HEATR5B: variants seen among roughly 807,000 people sequenced by gnomAD.
HEATR5B encodes HEAT repeat containing 5B, also known as HEAT repeat-containing protein 5B.
Under a neutral mutation model 224.1 loss-of-function variants are expected in HEATR5B, and 156 were observed. That is an observed-to-expected ratio of 0.70 (90% CI 0.61 to 0.80). The LOEUF (loss-of-function observed/expected upper bound fraction) is 0.80, where lower values mean the gene tolerates loss of function less well. Ranked by LOEUF, HEATR5B falls within the 30% of genes least tolerant of loss-of-function variation. The pLI is 0.00. For missense variants in HEATR5B, 2,323 were observed against 2,535.5 expected, an observed-to-expected ratio of 0.92 and a Z score of 1.80; for synonymous variants, 1,027 against 893.0, an observed-to-expected ratio of 1.15 and a Z score of -2.68.
chr2:36,985,891 T>C (rs950106165), intron 35 of HEATR5B, among the ~76,000 whole-genome samples: 8 of 152,102 alleles, frequency 5.3e-5, no homozygotes, highest in African/African-American at 1.9e-4. Context: ...TCAAAGATAT[T>C]GCTAAAGCCT....
At chr2:37,060,880 T>G in intron 11 of HEATR5B, 147 bp from the exon 12 acceptor site, 2 of 527,856 alleles carry the variant, frequency 3.8e-6, no homozygotes, top group Non-Finnish European at 6.4e-6. Context: ...ATCTGTTATT[T>G]CACTCTATTT....
At chr2:37,011,429 C>T (rs758126890) in intron 27 of HEATR5B, among the ~76,000 whole-genome samples, 11 of 152,130 alleles carry the variant, frequency 7.2e-5, no homozygotes, top group Admixed American at 3.3e-4. Context: ...TAAGACTTTA[C>T]GGTCTATGTA....
chr2:37,061,865 T>A, intron 11 of HEATR5B, 74 bp downstream of exon 11: 1 of 844,146 alleles, frequency 1.2e-6, no homozygotes, highest in Non-Finnish European at 1.9e-6. Flanking sequence ...AGCTTAACAC[T>A]TTTAAATTAA....
intron 22 of HEATR5B, among the ~76,000 whole-genome samples, chr2:37,030,749 T>A (rs546071654): frequency 6.6e-6 from 1 of 152,340 alleles, no homozygotes; most frequent in Non-Finnish European, 1.5e-5. Context: ...CACTGGAGGT[T>A]AAAGATATTT....
At chr2:37,035,391 G>C (rs936267302) in intron 21 of HEATR5B, among the ~76,000 whole-genome samples, 4 of 152,174 alleles carry the variant, frequency 2.6e-5, no homozygotes, top group Non-Finnish European at 5.9e-5. Flanking sequence ...GTGTATGTGT[G>C]AATCCAATTC....
rs2148585755 is a variant in HEATR5B at position 37,070,234 on chromosome 2, G to GT, written c.922dup (p.Thr308AsnfsTer29). On this transcript the variant is annotated frameshift_variant, in exon 7 of 36. Coordinates refer to ENST00000233099, the MANE Select transcript of HEATR5B (RefSeq NM_019024.3). LOFTEE classifies it high-confidence loss of function. ...TCACACATACGTGTTACAAACCTGC[G>GT]TAACTCCAACTCTCACTTCACGATT... The GT allele has an allele frequency of 6.2e-7, 1 of 1,613,844 alleles. No homozygotes were observed. Among genetic ancestry groups the GT allele is most frequent in the Non-Finnish European group, 8.5e-7 (1 of 1,179,922 alleles).
chr2:37,063,619 A>G (rs1671415927), intron 10 of HEATR5B, among the ~76,000 whole-genome samples: 1 of 152,168 alleles, frequency 6.6e-6, no homozygotes, highest in Non-Finnish European at 1.5e-5. Flanking sequence ...TTTCATCGGT[A>G]GCTATGCAAC....
Position 36,999,937 on chromosome 2 carries a change from G to A in HEATR5B, c.5545+649C>T, listed in dbSNP as rs966387830. 2.8e-4 allele frequency among the ~76,000 whole-genome samples: 43 copies of A among 151,464 alleles called. 1 individual carries two copies. Among genetic ancestry groups the A allele is most frequent in the African/African-American group, 9.2e-4 (38 of 41,260 alleles). On this transcript the variant is annotated intron_variant, in intron 33 of 35. Transcript: ENST00000233099. ...TGAGGCAGAAGAATCACTTGAACCCGGGAGGCGGAGGTTGCAGTGGGCTGA... is the reference window on the plus strand; with the variant it reads ...TGAGGCAGAAGAATCACTTGAACCCAGGAGGCGGAGGTTGCAGTGGGCTGA...
chr2:36,993,021 G>A (rs4670646), intron 33 of HEATR5B, among the ~76,000 whole-genome samples: 15 of 152,192 alleles, frequency 9.9e-5, no homozygotes, highest in African/African-American at 3.6e-4. Flanking sequence ...CAAGGTGTCC[G>A]GCCCCATTTT....
At chr2:37,079,042 A>G in intron 3 of HEATR5B, 78 bp downstream of exon 3, 1 of 830,158 alleles carries the variant, frequency 1.2e-6, no homozygotes, top group South Asian at 1.9e-5. Context: ...GGGGGTTTTT[A>G]TGGTCCATAG....
chr2:37,064,932 A>T lies in HEATR5B; in HGVS notation c.1392T>A (p.Ala464=). The change falls in exon 10 of 36, where the codon GCT becomes GCA. Residue 464 remains alanine (A), a synonymous_variant. Coordinates refer to ENST00000233099, the MANE Select transcript of HEATR5B (RefSeq NM_019024.3). Reference sequence around the variant, plus strand: ...CCACACAGCGCAAACACCATGCAGCAGCAAGTCGGGCAGCCATGCTTGGAT... The same window carrying T: ...CCACACAGCGCAAACACCATGCAGCTGCAAGTCGGGCAGCCATGCTTGGAT... ...LLHPSMAARL[A]AAWCLRCVAV... 6.2e-7 allele frequency: 1 copy of T among 1,614,170 alleles called. No individual in the cohort carries two copies.
chr2:36,981,881 A>T, intron 35 of HEATR5B, 87 bp from the exon 36 acceptor site: 1 of 949,370 alleles, frequency 1.1e-6, no homozygotes, highest in African/African-American at 1.7e-5. Flanking sequence ...GGAAGACTGA[A>T]CATAATAAAA....
chr2:37,044,227 G>A (rs1670048898), intron 18 of HEATR5B, among the ~76,000 whole-genome samples: 1 of 152,148 alleles, frequency 6.6e-6, no homozygotes, highest in Non-Finnish European at 1.5e-5. Flanking sequence ...ACAAGATATA[G>A]GACATTTTCA....
Position 37,083,324 on chromosome 2 carries a change from G to T in HEATR5B, c.91C>A (p.Arg31=), listed in dbSNP as rs374695555. 126 of 1,613,848 alleles carry T rather than the reference G, an allele frequency of 7.8e-5. No individual in the cohort carries two copies. Among genetic ancestry groups the T allele is most frequent in the Non-Finnish European group, 1.0e-4 (118 of 1,179,942 alleles). The change falls in exon 2 of 36, where the codon CGA becomes AGA. Residue 31 remains arginine (R), a synonymous_variant. Transcript: ENST00000233099. Reference sequence around the variant, plus strand: ...GCAACCAAGACTTTATCAAGAAATCGCAACCATTCAAAGATGAAAACTGGT... The same window carrying T: ...GCAACCAAGACTTTATCAAGAAATCTCAACCATTCAAAGATGAAAACTGGT... The part of the protein sequence containing the change: ...KRPVFIFEWL[R]FLDKVLVAAN...
intron 20 of HEATR5B, 45 bp from the exon 21 acceptor site, chr2:37,038,069 G>A: frequency 8.1e-7 from 1 of 1,228,034 alleles, no homozygotes; most frequent in Non-Finnish European, 1.1e-6. Flanking sequence ...TATTTTATTA[G>A]TACCACCAAA....
chr2:37,008,001 C>T (rs1043323112), intron 28 of HEATR5B, among the ~76,000 whole-genome samples: 7 of 152,182 alleles, frequency 4.6e-5, no homozygotes, highest in African/African-American at 1.7e-4. Flanking sequence ...TCTCCACCTC[C>T]TGTTGTTTCC....
At position 37,028,768 on chromosome 2, in the gene HEATR5B, T is replaced by C. The variant is rs1286226190; in HGVS notation, c.3514A>G (p.Thr1172Ala). The C allele has an allele frequency of 6.2e-7, 1 of 1,614,078 alleles. No homozygotes were observed. The highest frequency in any genetic ancestry group is 1.3e-5 in the African/African-American group (1 of 75,048). Reference sequence around the variant, plus strand: ...AGCGAAGAAAGCATATGTCCCAAAGTGTCATGAATATCAGAACATAATTTT... The same window carrying C: ...AGCGAAGAAAGCATATGTCCCAAAGCGTCATGAATATCAGAACATAATTTT... ...DRKLCSDIHD[T>A]LGHMLSSLAV... is the part of the protein sequence containing the mutation. The change falls in exon 23 of 36, where the codon ACT (threonine) becomes GCT (alanine). Residue 1172 changes from threonine to alanine, a missense_variant. Thr to Ala is a moderately conservative substitution (Grantham distance 58). Coordinates refer to ENST00000233099, the MANE Select transcript of HEATR5B (RefSeq NM_019024.3).
At chr2:36,986,879 A>T (rs889201911) in intron 35 of HEATR5B, among the ~76,000 whole-genome samples, 4 of 152,030 alleles carry the variant, frequency 2.6e-5, no homozygotes, top group African/African-American at 9.7e-5. Context: ...GGCCTCCCAA[A>T]GTGCTGGGAT....
intron 26 of HEATR5B, 111 bp from the exon 27 acceptor site, chr2:37,014,131 A>G (rs1021487822): frequency 1.3e-5 from 7 of 535,524 alleles, no homozygotes; most frequent in Non-Finnish European, 2.3e-5. Flanking sequence ...AAAGAACAAA[A>G]CAAAATAAAC....
Sources: allele counts gnomAD v4.1 joint callset (sites outside exome capture counted in the v4.1 genomes callset), GRCh38; gene constraint gnomAD v4.1.1; transcripts MANE v1.5; gene names NCBI Gene and HGNC (gene_info 2026-07-23, HGNC 2026-07-21).